The following SCHIP1 variants were observed in gnomAD, a reference collection of about 807,000 sequenced individuals.
SCHIP1 encodes the protein schwannomin-interacting protein 1.
Under a neutral mutation model 29.7 loss-of-function variants are expected in SCHIP1, and 8 were observed. The observed-to-expected ratio is 0.27, with a 90% CI of 0.16 to 0.49. The LOEUF is 0.49. Ranked by LOEUF, SCHIP1 falls within the 20% of genes least tolerant of loss-of-function variation. The pLI is 0.99. For synonymous variants in SCHIP1, 76 were observed against 94.9 expected (o/e 0.80, Z 1.16); for missense variants, 193 against 294.6 (o/e 0.66, Z 2.52).
the SCHIP1 span, among the ~76,000 whole-genome samples, chr3:159,587,970 T>C: frequency 3.3e-5 from 5 of 152,320 alleles, no homozygotes; most frequent in South Asian, 8.3e-4. Flanking sequence ...TTATAATCCT[T>C]TGGGTATATA....
the SCHIP1 span, among the ~76,000 whole-genome samples, chr3:159,367,612 T>C: frequency 9.8e-5 from 15 of 152,296 alleles, 1 homozygote; most frequent in East Asian, 2.3e-3. Context: ...ACTTTGCTTG[T>C]ATAGCCTGCA....
chr3:159,801,307 CT>C, the SCHIP1 span, among the ~76,000 whole-genome samples: 1 of 152,100 alleles, frequency 6.6e-6, no homozygotes, highest in Non-Finnish European at 1.5e-5. Context: ...TTTCTGATGT[CT>C]AGTCAATTTA....
chr3:159,444,249 A>G, the SCHIP1 span, among the ~76,000 whole-genome samples: 1 of 152,102 alleles, frequency 6.6e-6, no homozygotes, highest in Non-Finnish European at 1.5e-5. Flanking sequence ...GAGAGGAAGC[A>G]TTTAACCACC....
the SCHIP1 span, among the ~76,000 whole-genome samples, chr3:159,343,631 A>G: frequency 1.3e-5 from 2 of 152,240 alleles, no homozygotes; most frequent in African/African-American, 4.8e-5. Context: ...TCCATTAACC[A>G]AAGGAAATCA....
chr3:159,522,154 G>A, the SCHIP1 span, among the ~76,000 whole-genome samples: 1 of 152,194 alleles, frequency 6.6e-6, no homozygotes, highest in Non-Finnish European at 1.5e-5. Context: ...TGAAATAGGT[G>A]TTATGAAGTT....
At chr3:159,720,734 G>T in the SCHIP1 span, among the ~76,000 whole-genome samples, 2 of 152,128 alleles carry the variant, frequency 1.3e-5, no homozygotes, top group African/African-American at 4.8e-5. Flanking sequence ...ACAGGCACCT[G>T]CCAGCCAGCC....
At chr3:159,605,478 T>C in the SCHIP1 span, among the ~76,000 whole-genome samples, 12 of 152,264 alleles carry the variant, frequency 7.9e-5, no homozygotes, top group African/African-American at 2.9e-4. Context: ...ACCAATCCTA[T>C]CACCTTCTAC....
At chr3:159,886,662 G>A (rs1318833537) in intron 3 of SCHIP1, 7 of 223,258 alleles carry the variant, frequency 3.1e-5, no homozygotes, top group South Asian at 1.9e-4. Context: ...AGGCTGAGGC[G>A]GGAGGATCAG....
At chr3:159,686,291 C>T in the SCHIP1 span, among the ~76,000 whole-genome samples, 1 of 152,182 alleles carries the variant, frequency 6.6e-6, no homozygotes, top group Non-Finnish European at 1.5e-5. Context: ...ATTTGTACTA[C>T]TGCCAAAAAT....
At chr3:159,702,437 C>T in the SCHIP1 span, among the ~76,000 whole-genome samples, 5 of 152,144 alleles carry the variant, frequency 3.3e-5, no homozygotes, top group South Asian at 4.1e-4. Flanking sequence ...AACTATTAAT[C>T]GCAAAATTAT....
the SCHIP1 span, among the ~76,000 whole-genome samples, chr3:159,499,076 A>G: frequency 6.6e-6 from 1 of 152,152 alleles, no homozygotes; most frequent in East Asian, 1.9e-4. Context: ...CCCCACCCCC[A>G]TTAACACCTT....
the SCHIP1 span, among the ~76,000 whole-genome samples, chr3:159,760,667 TC>T: frequency 1.3e-5 from 2 of 152,132 alleles, no homozygotes; most frequent in Non-Finnish European, 1.5e-5. Flanking sequence ...AGGGAAATTG[TC>T]CCCCACTTCA....
chr3:159,749,522 C>T, the SCHIP1 span, among the ~76,000 whole-genome samples: 1,105 of 152,278 alleles, frequency 7.3e-3, 17 homozygotes, highest in African/African-American at 0.025. Context: ...TCATCATGCT[C>T]CCAGCTCCCA....
the SCHIP1 span, among the ~76,000 whole-genome samples, chr3:159,325,873 A>G: frequency 6.6e-6 from 1 of 152,094 alleles, no homozygotes; most frequent in Non-Finnish European, 1.5e-5. Flanking sequence ...CGTAATAGTA[A>G]TAGCTTTATA....
chr3:159,314,808 C>T, the SCHIP1 span, among the ~76,000 whole-genome samples: 1 of 152,144 alleles, frequency 6.6e-6, no homozygotes, highest in Non-Finnish European at 1.5e-5. Flanking sequence ...TTTGGTATTT[C>T]AATTACTTGG....
At chr3:159,764,677 G>A in the SCHIP1 span, 2 of 1,583,624 alleles carry the variant, frequency 1.3e-6, no homozygotes, top group African/African-American at 1.3e-5. The surrounding 1 kb of genome is among the most constrained non-coding windows in gnomAD (Gnocchi z 6.1). Flanking sequence ...GGACGGGGAG[G>A]AGGAGGAAGA....
the SCHIP1 span, among the ~76,000 whole-genome samples, chr3:159,370,589 A>G: frequency 6.6e-6 from 1 of 152,184 alleles, no homozygotes; most frequent in Non-Finnish European, 1.5e-5. Flanking sequence ...AAGCATTTGA[A>G]TCTTTCTGAG....
chr3:159,886,860 A>C (rs1218566891), intron 3 of SCHIP1: 5 of 158,084 alleles, frequency 3.2e-5, no homozygotes, highest in African/African-American at 9.6e-5. Flanking sequence ...ACAGTTCCAC[A>C]TGGCTAATGA....
At chr3:159,659,359 T>C in the SCHIP1 span, among the ~76,000 whole-genome samples, 1 of 152,196 alleles carries the variant, frequency 6.6e-6, no homozygotes, top group East Asian at 1.9e-4. Context: ...GGTGGCCAGG[T>C]ACAAGGCTCA....
Sources: allele counts gnomAD v4.1 joint callset (sites outside exome capture counted in the v4.1 genomes callset), GRCh38; gene constraint gnomAD v4.1.1; non-coding constraint Gnocchi (gnomAD v3.1); transcripts MANE v1.5; gene names NCBI Gene and HGNC (gene_info 2026-07-23, HGNC 2026-07-21).